ENOX1: variants seen among roughly 807,000 people sequenced by gnomAD.
The protein encoded by ENOX1 is candidate growth-related and time keeping constitutive hydroquinone (NADH) oxidase.
Under a neutral mutation model 82.5 loss-of-function variants are expected in ENOX1, and 42 were observed. The ratio of observed to expected loss-of-function variants is 0.51; its 90% CI spans 0.40 to 0.66. The LOEUF (loss-of-function observed/expected upper bound fraction) is 0.66. Among genes scored for constraint, ENOX1 ranks in the 30% least tolerant of loss-of-function variants. The pLI, the probability that ENOX1 is intolerant of heterozygous loss-of-function variation, is 0.00. For synonymous variants in ENOX1, 271 were observed against 282.2 expected (o/e 0.96, Z 0.40); for missense variants, 608 against 811.6 (o/e 0.75, Z 3.05).
At chr13:43,353,377 T>C (rs902646390) in intron 8 of ENOX1, among the ~76,000 whole-genome samples, 5 of 152,162 alleles carry the variant, frequency 3.3e-5, no homozygotes, top group African/African-American at 9.7e-5. Context: ...TGATATAAAA[T>C]AGAGGAAAAG....
At chr13:43,626,766 T>C (rs763524710) in intron 2 of ENOX1, among the ~76,000 whole-genome samples, 24 of 151,890 alleles carry the variant, frequency 1.6e-4, no homozygotes, top group Non-Finnish European at 3.4e-4. Context: ...TATTCTGCTG[T>C]TATTGGGTGG....
chr13:43,546,095 G>C (rs555119314), intron 2 of ENOX1: 1 of 152,338 alleles, frequency 6.6e-6, no homozygotes, highest in African/African-American at 2.4e-5. Flanking sequence ...TAAGTGCTAG[G>C]AATACGGTGC....
At chr13:43,545,216 A>C (rs534143902) in intron 2 of ENOX1, 2 of 152,310 alleles carry the variant, frequency 1.3e-5, no homozygotes, top group African/African-American at 4.8e-5. Flanking sequence ...CTCTAAATAA[A>C]ACAGGCCAGT....
intron 8 of ENOX1, among the ~76,000 whole-genome samples, chr13:43,354,547 T>C (rs1045530855): frequency 6.6e-6 from 1 of 151,606 alleles, no homozygotes; most frequent in African/African-American, 2.4e-5. Context: ...TTTTCATACA[T>C]TTTTTTTAGT....
intron 2 of ENOX1, among the ~76,000 whole-genome samples, chr13:43,662,685 A>G (rs2084792249): frequency 6.6e-6 from 1 of 152,172 alleles, no homozygotes; most frequent in Non-Finnish European, 1.5e-5. Flanking sequence ...CAGCCTTTCA[A>G]ATTAAAGGAA....
Position 43,686,797 on chromosome 13 carries a change from C to T in ENOX1, c.-284-19253G>A, listed in dbSNP as rs549986179. ...TCTGTCTTCTCTCCTATGACTCATC[C>T]GAGTATGTCAAAGAAATGCTGCTAA... is the stretch of plus-strand genomic sequence containing the variant. On this transcript the variant is annotated intron_variant, in intron 1 of 16. Transcript: ENST00000690772. Among the ~76,000 whole-genome samples the T allele has an allele frequency of 9.9e-5, 15 of 152,178 alleles. No individual in the cohort carries two copies. In the East Asian group the frequency reaches 2.3e-3, roughly 24 times the overall value.
intron 3 of ENOX1, among the ~76,000 whole-genome samples, chr13:43,436,418 TAGAA>T (rs1317239094): frequency 6.6e-6 from 1 of 152,152 alleles, no homozygotes; most frequent in African/African-American, 2.4e-5. Flanking sequence ...TTTTACAACA[TAGAA>T]AGTAATCTCA....
intron 11 of ENOX1, among the ~76,000 whole-genome samples, chr13:43,317,873 C>T (rs1317559394): frequency 5.3e-5 from 8 of 151,762 alleles, no homozygotes; most frequent in Non-Finnish European, 7.4e-5. Context: ...GGCGTGGTGG[C>T]GGGTGCCTGT....
At chr13:43,739,262 A>G (rs2089781230) in intron 1 of ENOX1, among the ~76,000 whole-genome samples, 1 of 152,112 alleles carries the variant, frequency 6.6e-6, no homozygotes, top group Admixed American at 6.6e-5. Flanking sequence ...AATGATAAAT[A>G]TATTGGTGGG....
intron 3 of ENOX1, among the ~76,000 whole-genome samples, chr13:43,445,291 T>G (rs539257328): frequency 1.6e-4 from 24 of 151,752 alleles, no homozygotes; most frequent in Admixed American, 4.6e-4. Context: ...GCCTGGCTAA[T>G]TTTTTGTATT....
intron 15 of ENOX1, among the ~76,000 whole-genome samples, chr13:43,232,167 C>T (rs2042318133): frequency 6.9e-6 from 1 of 144,946 alleles, no homozygotes; most frequent in Non-Finnish European, 1.5e-5. Context: ...CTCCTGAGCT[C>T]AAGTGATCCT....
chr13:43,494,708 A>T (rs1289834906), intron 2 of ENOX1, among the ~76,000 whole-genome samples: 1 of 152,224 alleles, frequency 6.6e-6, no homozygotes, highest in Non-Finnish European at 1.5e-5. Context: ...CAAATTTGAA[A>T]TTTTATAGGC....
At chr13:43,393,028 G>A (rs894575747) in intron 5 of ENOX1, among the ~76,000 whole-genome samples, 5 of 151,936 alleles carry the variant, frequency 3.3e-5, no homozygotes, top group South Asian at 2.1e-4. Flanking sequence ...GGCAAAAGCA[G>A]GCATAGCTCT....
intron 16 of ENOX1, among the ~76,000 whole-genome samples, chr13:43,223,113 G>C (rs2041871086): frequency 6.6e-6 from 1 of 152,218 alleles, no homozygotes; most frequent in South Asian, 2.1e-4. Flanking sequence ...ATGCATGCTA[G>C]CCATTGAAAA....
intron 2 of ENOX1, among the ~76,000 whole-genome samples, chr13:43,568,397 C>T (rs371559664): frequency 5.9e-5 from 9 of 152,064 alleles, no homozygotes; most frequent in South Asian, 4.2e-4. Flanking sequence ...CTTCAGCAGC[C>T]GTGTCAGGGT....
intron 5 of ENOX1, chr13:43,394,776 C>G (rs1201307688): frequency 6.6e-6 from 1 of 152,230 alleles, no homozygotes; most frequent in Non-Finnish European, 1.5e-5. Flanking sequence ...GAGAGAGGAG[C>G]TGAGCAACAT....
chr13:43,338,822 A>T (rs1391898933), intron 9 of ENOX1, among the ~76,000 whole-genome samples: 6 of 151,168 alleles, frequency 4.0e-5, no homozygotes, highest in African/African-American at 4.9e-5. Flanking sequence ...AGTATCTGGG[A>T]CTACAGGCGC....
rs544606924 is a variant in ENOX1 at position 43,369,504 on chromosome 13, A to G, written c.209-8052T>C. The stretch of plus-strand genomic sequence containing the variant: ...TGTGCTGAAAGCTTCATGTCATCTC[A>G]TGTCATCTTTTTGGCAGTCCCATCA... On this transcript the variant is annotated intron_variant, in intron 5 of 16. Coordinates refer to ENST00000690772, the MANE Select transcript of ENOX1 (RefSeq NM_001347969.2). Among the ~76,000 whole-genome samples the G allele has an allele frequency of 2.0e-5, 3 of 152,296 alleles. No homozygotes were observed. In the East Asian group the frequency reaches 5.8e-4, roughly 29 times the overall value.
chr13:43,309,820 T>A (rs369869594), intron 11 of ENOX1, among the ~76,000 whole-genome samples: 2 of 98,344 alleles, frequency 2.0e-5, no homozygotes, highest in East Asian at 3.2e-4. Context: ...AAAAAAACAG[T>A]TTTTGCTTTG....
Sources: allele counts gnomAD v4.1 joint callset (sites outside exome capture counted in the v4.1 genomes callset), GRCh38; gene constraint gnomAD v4.1.1; transcripts MANE v1.5; gene names NCBI Gene and HGNC (gene_info 2026-07-23, HGNC 2026-07-21).